The following CDR2 variants were observed in gnomAD, a reference collection of about 807,000 sequenced individuals.
CDR2 encodes cerebellar degeneration-related protein 2.
Under a neutral mutation model 48.4 loss-of-function variants are expected in CDR2, and 34 were observed. That is an observed-to-expected ratio of 0.70 (90% confidence interval 0.53 to 0.94). The LOEUF is 0.94. Among genes scored for constraint, CDR2 ranks in the 40% least tolerant of loss-of-function variants. CDR2 has a pLI of 0.00. For synonymous variants in CDR2, 240 were observed against 219.7 expected (o/e 1.09, Z -0.82); for missense variants, 498 against 549.5 (o/e 0.91, Z 0.94).
intron 2 of CDR2, among the ~76,000 whole-genome samples, chr16:22,356,796 C>T (rs2048976701): frequency 6.6e-6 from 1 of 151,404 alleles, no homozygotes; most frequent in East Asian, 1.9e-4. Context: ...ATTATCCAGG[C>T]AAGGTAGTGT....
chr16:22,374,138 T>TCCG, intron 1 of CDR2, 93 bp downstream of exon 1: 1 of 806,522 alleles, frequency 1.2e-6, no homozygotes, highest in Non-Finnish European at 2.0e-6. Context: ...ACCTGCATCC[T>TCCG]CCGCCGCCAC....
At position 22,347,058 on chromosome 16, in the gene CDR2, C is replaced by T. The variant is rs372824567; in HGVS notation, c.1272G>A (p.Ala424=). 13 of 1,614,212 alleles carry T rather than the reference C, an allele frequency of 8.1e-6. No individual in the cohort carries two copies. The highest frequency in any genetic ancestry group is 4.5e-5 in the East Asian group (2 of 44,892). ...SSPTTPPEYK[A]LFKEIFSCIK... is the part of the protein sequence containing the mutation. ...TGCAACTAAAGATCTCCTTAAACAA[C>T]GCTTTGTATTCTGGAGGTGTTGTAG... Residue 424 remains alanine, a synonymous_variant, in exon 5 of 5, where the codon GCG becomes GCA. Transcript: ENST00000268383.
chr16:22,356,391 G>T (rs1204553848), intron 2 of CDR2, among the ~76,000 whole-genome samples: 3 of 152,200 alleles, frequency 2.0e-5, no homozygotes, highest in African/African-American at 7.2e-5. Context: ...GCCGAGGTGG[G>T]CAGATCACTT....
chr16:22,369,143 G>C (rs1461482796), intron 1 of CDR2: 3 of 152,134 alleles, frequency 2.0e-5, no homozygotes, highest in Non-Finnish European at 4.4e-5. Flanking sequence ...CTCTTAACCA[G>C]CAATCAAAGC....
Position 22,346,859 on chromosome 16 carries a change from C to T in CDR2, c.*106G>A, listed in dbSNP as rs184567155. The T allele has an allele frequency of 1.3e-5, 17 of 1,267,798 alleles. No homozygotes were observed. The East Asian group carries it at 4.0e-4, about 30-fold the overall frequency. The allele number at this position is 1,267,798 out of a possible 1,614,324, so 78.5% of individuals were successfully genotyped here. A position where few individuals can be genotyped will look rare whatever the true frequency, so the allele number is the denominator to read the frequency against. ...TTGCTAAATAAGCAAAGCAATGAGG[C>T]AAACGTCATGAGTAACATTAGGCTT... On this transcript the variant is annotated 3_prime_UTR_variant, in exon 5 of 5. Coordinates refer to ENST00000268383, the MANE Select transcript of CDR2 (RefSeq NM_001802.2).
chr16:22,349,401 G>A lies in CDR2; in HGVS notation c.384C>T (p.His128=). The A allele has an allele frequency of 6.2e-7, 1 of 1,614,170 alleles. No homozygotes were observed. The highest frequency in any genetic ancestry group is 8.5e-7 in the Non-Finnish European group (1 of 1,180,020). Residue 128 remains histidine, a synonymous_variant, in exon 4 of 5, where the codon CAC becomes CAT. Transcript: ENST00000268383. ...TIECLQTNID[H]LQSQVEELKS... ...TCAGCTCCTCCACTTGGCTCTGGAG[G>A]TGATCAATGTTGGTTTGCAGGCATT...
rs1330190332 is a variant in CDR2, at chr16:22,347,802, C to T, written c.528G>A (p.Val176=). The T allele has an allele frequency of 6.2e-7, 1 of 1,613,168 alleles. No individual in the cohort carries two copies. Among genetic ancestry groups the T allele is most frequent in the African/African-American group, 1.3e-5 (1 of 74,882 alleles). The change falls in exon 5 of 5, where the codon GTG becomes GTA. Residue 176 remains valine, a synonymous_variant. Coordinates refer to ENST00000268383, the MANE Select transcript of CDR2 (RefSeq NM_001802.2). ...GCAAGGAAGTGATCTTCTCAGCGAA[C>T]ACATGATCATACACGAAGTGTCTAG... ...DLRQHFVYDH[V]FAEKITSLQG...
intron 2 of CDR2, among the ~76,000 whole-genome samples, chr16:22,360,739 C>CTTTTTTT (rs201976962): frequency 1.1e-4 from 8 of 74,142 alleles, no homozygotes; most frequent in Non-Finnish European, 2.0e-4. Flanking sequence ...AAAAAATGAT[C>CTTTTTTT]TTTTTTTTTT....
intron 3 of CDR2, 42 bp from the exon 4 acceptor site, chr16:22,349,485 A>C: frequency 6.2e-7 from 1 of 1,609,712 alleles, no homozygotes; most frequent in Non-Finnish European, 8.5e-7. Context: ...TGTCATATTG[A>C]ATCAAGGGCA....
At chr16:22,372,745 G>A (rs1053160172) in intron 1 of CDR2, among the ~76,000 whole-genome samples, 7 of 152,180 alleles carry the variant, frequency 4.6e-5, no homozygotes, top group Admixed American at 2.0e-4. Flanking sequence ...CTTGGACTCT[G>A]TAAGTGTAAT....
intron 3 of CDR2, 76 bp downstream of exon 3, chr16:22,349,625 T>A: frequency 6.6e-7 from 1 of 1,506,054 alleles, no homozygotes; most frequent in Non-Finnish European, 9.1e-7. Flanking sequence ...CCAAACCCAC[T>A]GCAGCCATGT....
chr16:22,356,953 G>GAAAAAAAAAAAA (rs1162529433), intron 2 of CDR2, among the ~76,000 whole-genome samples: 2 of 87,518 alleles, frequency 2.3e-5, no homozygotes, highest in Non-Finnish European at 4.6e-5. Context: ...AAAAAAAAAA[G>GAAAAAAAAAAAA]AAAAAAAAAA....
intron 1 of CDR2, among the ~76,000 whole-genome samples, chr16:22,373,045 TA>T (rs2141856945): frequency 6.6e-6 from 1 of 152,324 alleles, no homozygotes; most frequent in East Asian, 1.9e-4. Flanking sequence ...GTATAGCGGT[TA>T]AGAACGTTTG....
chr16:22,370,058 T>G (rs954426327), intron 1 of CDR2, among the ~76,000 whole-genome samples: 1 of 152,184 alleles, frequency 6.6e-6, no homozygotes, highest in Admixed American at 6.5e-5. Context: ...CTAATGAGTC[T>G]TTGCAGGTAA....
At chr16:22,348,641 T>C (rs1246240157) in intron 4 of CDR2, among the ~76,000 whole-genome samples, 1 of 152,238 alleles carries the variant, frequency 6.6e-6, no homozygotes, top group Non-Finnish European at 1.5e-5. Flanking sequence ...CCTGAGGAAA[T>C]GTGTTGGTAT....
chr16:22,352,993 A>G (rs2048952499), intron 2 of CDR2, among the ~76,000 whole-genome samples: 2 of 152,334 alleles, frequency 1.3e-5, no homozygotes, highest in African/African-American at 4.8e-5. Flanking sequence ...TCAATCTCTT[A>G]GGAATTGATG....
intron 2 of CDR2, among the ~76,000 whole-genome samples, chr16:22,358,731 ATC>A (rs1019929408): frequency 2.3e-4 from 35 of 152,240 alleles, no homozygotes; most frequent in Admixed American, 2.3e-3. Flanking sequence ...CTTTTGAAAA[ATC>A]TCTTTCCCCT....
chr16:22,363,296 T>A (rs1008559788), intron 2 of CDR2, among the ~76,000 whole-genome samples: 3 of 152,190 alleles, frequency 2.0e-5, no homozygotes, highest in African/African-American at 7.2e-5. Context: ...GCTCTTTTGA[T>A]GTAGAATATG....
Position 22,347,000 on chromosome 16 carries a change from T to C in CDR2, c.1330A>G (p.Arg444Gly), listed in dbSNP as rs760715898. The change falls in exon 5 of 5, where the codon AGA (arginine) becomes GGA (glycine). Residue 444 changes from arginine (R) to glycine (G), a missense_variant. Coordinates refer to ENST00000268383, the MANE Select transcript of CDR2 (RefSeq NM_001802.2). ...KKTKQEIDEQ[R>G]TKYRSLSSHS Reference sequence around the variant, plus strand: ...GAGGAGAGTGATCGGTATTTTGTTCTCTGTTCATCTATTTCCTGCTTAGTT... The same window carrying C: ...GAGGAGAGTGATCGGTATTTTGTTCCCTGTTCATCTATTTCCTGCTTAGTT... The C allele has an allele frequency of 6.2e-7, 1 of 1,613,332 alleles. No individual in the cohort carries two copies. The highest frequency in any genetic ancestry group is 1.7e-5 in the Admixed American group (1 of 60,022).
Sources: gnomAD v4.1 joint callset for allele counts (sites outside exome capture counted in the v4.1 genomes callset) on GRCh38, gnomAD v4.1.1 for gene constraint, MANE v1.5 for transcripts, NCBI Gene and HGNC (gene_info 2026-07-23, HGNC 2026-07-21) for gene names.